The following INO80 variants were observed in gnomAD, a reference collection of about 807,000 sequenced individuals.
INO80 encodes the protein INO80 complex ATPase subunit.
INO80 carries 20 observed loss-of-function variants against 203.4 expected under a neutral mutation model. That is an observed-to-expected ratio of 0.10 (90% confidence interval 0.07 to 0.14). The LOEUF is 0.14. INO80 is among the 10% of genes least tolerant of loss of function. The pLI is 1.00. For synonymous variants in INO80, 726 were observed against 685.2 expected, an observed-to-expected ratio of 1.06 and a Z score of -0.93; for missense variants, 1,419 against 1,914.4, an observed-to-expected ratio of 0.74 and a Z score of 4.83.
intron 5 of INO80, among the ~76,000 whole-genome samples, chr15:41,090,873 A>G (rs991723976): frequency 6.6e-6 from 1 of 151,408 alleles, no homozygotes; most frequent in African/African-American, 2.4e-5. Context: ...AGTCTAGTAC[A>G]TCCGAAGTAT....
At position 40,985,412 on chromosome 15, in the gene INO80, C is replaced by G. The variant is rs752957807; in HGVS notation, c.3847G>C (p.Glu1283Gln). The change falls in exon 32 of 36, where the codon GAA becomes CAA. Residue 1283 changes from glutamate to glutamine, a missense_variant. Around this residue, in one of 9 missense-constraint regions of INO80, gnomAD observed 214 missense variants for 248.9 expected, o/e 0.86. Coordinates refer to ENST00000648947, the MANE Select transcript of INO80 (RefSeq NM_017553.3). ...ELEKKLRLRQ[E>Q]EKRQQEETNR... is the part of the protein sequence containing the mutation. Reference sequence around the variant, plus strand: ...GTTTCCTCCTGTTGCCGTTTCTCTTCCTGCCGCAGCCTCACTATCAAGAAA... The same window carrying G: ...GTTTCCTCCTGTTGCCGTTTCTCTTGCTGCCGCAGCCTCACTATCAAGAAA... 3.7e-6 allele frequency: 6 copies of G among 1,613,388 alleles called. No individual in the cohort carries two copies. The East Asian group carries it at 1.3e-4, about 36-fold the overall frequency.
intron 5 of INO80, among the ~76,000 whole-genome samples, chr15:41,088,479 A>G (rs2045592549): frequency 6.6e-6 from 1 of 151,996 alleles, no homozygotes; most frequent in African/African-American, 2.4e-5. Context: ...TGAATCTTTC[A>G]AGTCTTTCCT....
chr15:41,102,486 G>A (rs975140065), intron 1 of INO80, among the ~76,000 whole-genome samples: 1 of 152,046 alleles, frequency 6.6e-6, no homozygotes, highest in African/African-American at 2.4e-5. Context: ...GACCAATATG[G>A]TGAAACCCCA....
chr15:41,081,546 T>C (rs1166351743), intron 7 of INO80, among the ~76,000 whole-genome samples: 1 of 152,148 alleles, frequency 6.6e-6, no homozygotes, highest in Non-Finnish European at 1.5e-5. Context: ...TATTACTCAG[T>C]TTCTGCCACC....
chr15:41,058,570 C>CGT (rs67053863), intron 16 of INO80, 69 bp downstream of exon 16: 6,293 of 542,408 alleles, frequency 0.012, 13 homozygotes, highest in East Asian at 0.042. Flanking sequence ...TGTGTGTGTG[C>CGT]GTGTGTGTGT....
chr15:41,041,693 T>A (rs1029466755), intron 24 of INO80, among the ~76,000 whole-genome samples: 10 of 152,168 alleles, frequency 6.6e-5, no homozygotes, highest in Admixed American at 6.5e-4. Context: ...TCTGCCCGCC[T>A]TGGCCTCCCA....
At chr15:41,046,129 A>G (rs1457567074) in intron 23 of INO80, among the ~76,000 whole-genome samples, 1 of 142,830 alleles carries the variant, frequency 7.0e-6, no homozygotes, top group African/African-American at 2.6e-5. Context: ...AGAAAAGCCT[A>G]AACAGTTTAT....
chr15:41,045,231 T>C (rs1266411056), intron 23 of INO80, among the ~76,000 whole-genome samples, 156 bp from the exon 24 acceptor site: 1 of 152,340 alleles, frequency 6.6e-6, no homozygotes, highest in South Asian at 2.1e-4. Context: ...TTCAGATACA[T>C]TATTTCGCAT....
chr15:40,979,620 G>T lies in INO80; in HGVS notation c.*603C>A, dbSNP rs1893740035. ...ACCATGCAGGATGGGAGGAATTGCT[G>T]GGAACACAACTGCCTGTGGATAGAC... On this transcript the variant is annotated 3_prime_UTR_variant, in exon 36 of 36. Transcript: ENST00000648947. 6.4e-6 allele frequency: 1 copy of T among 155,218 alleles called. No homozygotes were observed. The highest frequency in any genetic ancestry group is 1.4e-5 in the Non-Finnish European group (1 of 69,888). 9.6% of individuals were successfully genotyped at this position (155,218 alleles called of 1,614,324 possible).
At chr15:41,077,605 A>G (rs1483476457) in intron 9 of INO80, among the ~76,000 whole-genome samples, 1 of 152,196 alleles carries the variant, frequency 6.6e-6, no homozygotes, top group African/African-American at 2.4e-5. Context: ...TCTGTCACCC[A>G]GGCTGGAGGC....
At chr15:41,087,438 G>GT in intron 6 of INO80, 124 bp downstream of exon 6, 4 of 1,073,642 alleles carry the variant, frequency 3.7e-6, no homozygotes, top group Non-Finnish European at 5.3e-6. Context: ...AGAAAGGAGA[G>GT]TTTTTCAGAT....
intron 28 of INO80, among the ~76,000 whole-genome samples, chr15:40,998,961 G>A (rs1013436566): frequency 7.1e-6 from 1 of 141,328 alleles, no homozygotes. Flanking sequence ...GGCAGAACAG[G>A]CTTTTGACTC....
At chr15:41,030,024 G>A (rs956566253) in intron 24 of INO80, among the ~76,000 whole-genome samples, 1 of 152,186 alleles carries the variant, frequency 6.6e-6, no homozygotes, top group Admixed American at 6.5e-5. Flanking sequence ...CTGACCTGAA[G>A]ACTTCTGAAT....
At chr15:41,011,201 T>A (rs140392674) in intron 27 of INO80, among the ~76,000 whole-genome samples, 1 of 152,368 alleles carries the variant, frequency 6.6e-6, no homozygotes, top group African/African-American at 2.4e-5. Flanking sequence ...TCCCTGATGG[T>A]TGAAATTCTA....
intron 27 of INO80, among the ~76,000 whole-genome samples, 188 bp downstream of exon 27, chr15:41,015,900 G>A (rs1356469726): frequency 2.0e-5 from 3 of 147,696 alleles, no homozygotes; most frequent in East Asian, 4.0e-4. Context: ...AGCCGAGATC[G>A]CATCACTGCA....
chr15:41,098,705 T>A (rs1287126920), intron 1 of INO80, among the ~76,000 whole-genome samples: 1 of 152,012 alleles, frequency 6.6e-6, no homozygotes, highest in Non-Finnish European at 1.5e-5. Context: ...AGAAGATACT[T>A]GCAAATCATC....
chr15:41,038,022 T>C (rs959329816), intron 24 of INO80, among the ~76,000 whole-genome samples: 2 of 141,050 alleles, frequency 1.4e-5, no homozygotes, highest in African/African-American at 2.6e-5. Flanking sequence ...TTTTTTTTTT[T>C]TTTTTTTTTT....
intron 14 of INO80, among the ~76,000 whole-genome samples, chr15:41,063,762 C>A (rs977241008): frequency 6.6e-6 from 1 of 151,698 alleles, no homozygotes; most frequent in East Asian, 1.9e-4. Flanking sequence ...AGATAGACTC[C>A]GTCTCAAAAA....
intron 27 of INO80, among the ~76,000 whole-genome samples, chr15:41,014,911 C>T (rs1375681307): frequency 6.6e-6 from 1 of 152,194 alleles, no homozygotes; most frequent in Non-Finnish European, 1.5e-5. Context: ...ACAATTTCCA[C>T]TTACTTATTA....
Sources: allele counts gnomAD v4.1 joint callset (sites outside exome capture counted in the v4.1 genomes callset), GRCh38; gene constraint gnomAD v4.1.1; regional missense constraint gnomAD v4.1.1; transcripts MANE v1.5; gene names NCBI Gene and HGNC (gene_info 2026-07-23, HGNC 2026-07-21).